The following CRYL1 variants were observed in gnomAD, a reference collection of about 807,000 sequenced individuals.
CRYL1 encodes the protein lambda-crystallin homolog.
In CRYL1, 29 loss-of-function variants were observed where a neutral mutation model predicts 36.6. The observed-to-expected ratio is 0.79, with a 90% CI of 0.59 to 1.08. The LOEUF is 1.08. Among genes scored for constraint, CRYL1 ranks in the 50% least tolerant of loss-of-function variants. The pLI is 0.00. For synonymous variants in CRYL1, 152 were observed against 151.5 expected, an observed-to-expected ratio of 1.00 and a Z score of -0.02; for missense variants, 411 against 407.9, an observed-to-expected ratio of 1.01 and a Z score of -0.06.
intron 3 of CRYL1, among the ~76,000 whole-genome samples, chr13:20,471,850 C>G (rs1417882539): frequency 6.6e-6 from 1 of 150,408 alleles, no homozygotes; most frequent in Admixed American, 6.6e-5. Flanking sequence ...TCTCTCTCTT[C>G]CTTTCTTTCA....
chr13:20,522,105 T>C (rs1232165806), intron 1 of CRYL1, among the ~76,000 whole-genome samples: 1 of 152,064 alleles, frequency 6.6e-6, no homozygotes, highest in South Asian at 2.1e-4. Context: ...ATCTCAGCAC[T>C]TTGGGAGGCT....
chr13:20,408,331 A>C (rs921959420), intron 6 of CRYL1, among the ~76,000 whole-genome samples: 98 of 152,302 alleles, frequency 6.4e-4, no homozygotes, highest in African/African-American at 2.3e-3. Context: ...GTTTTGAAAA[A>C]GGCAAGTGTC....
At chr13:20,409,013 T>C (rs138239479) in intron 6 of CRYL1, among the ~76,000 whole-genome samples, 2,619 of 152,200 alleles carry the variant, frequency 0.017, 40 homozygotes, top group African/African-American at 0.037. Context: ...AAAGTTCATA[T>C]GGAACCAAAA....
At chr13:20,414,407 A>G (rs114416982) in intron 5 of CRYL1, among the ~76,000 whole-genome samples, 1,829 of 152,036 alleles carry the variant, frequency 0.012, 30 homozygotes, top group African/African-American at 0.041. Flanking sequence ...GCAGGGAGTG[A>G]GAGAAGCTGA....
At chr13:20,432,386 G>A in intron 4 of CRYL1, 90 bp from the exon 5 acceptor site, 1 of 858,800 alleles carries the variant, frequency 1.2e-6, no homozygotes. Flanking sequence ...AGCAGCAGAT[G>A]CATCTTTGGA....
rs894989061 is a variant in CRYL1 at position 20,430,275 on chromosome 13, T to C, written c.633+1827A>G. The C allele has an allele frequency of 3.0e-6, 3 of 985,340 alleles. No individual in the cohort carries two copies. The African/African-American group carries it at 5.2e-5, about 17-fold the overall frequency. The allele number at this position is 985,340 out of a possible 1,614,324, so 61.0% of individuals were successfully genotyped here. A position where few individuals can be genotyped will look rare whatever the true frequency, so the allele number is the denominator to read the frequency against. ...TCTTAATTTCCCATTTCTCTTGACC[T>C]CTTCCTGTTCTGTCACAAACTGTAT... On this transcript the variant is annotated intron_variant, in intron 5 of 7. Transcript: ENST00000298248.
chr13:20,421,689 A>G (rs1050592458), intron 5 of CRYL1, among the ~76,000 whole-genome samples: 1 of 152,122 alleles, frequency 6.6e-6, no homozygotes, highest in African/African-American at 2.4e-5. Context: ...TAACTTCCCA[A>G]CTTCAAACTG....
chr13:20,463,095 A>G (rs1338885768), intron 3 of CRYL1, among the ~76,000 whole-genome samples: 1 of 152,222 alleles, frequency 6.6e-6, no homozygotes, highest in Non-Finnish European at 1.5e-5. Flanking sequence ...CCTGAGCCTC[A>G]GTGTGGACGC....
intron 1 of CRYL1, among the ~76,000 whole-genome samples, chr13:20,517,723 G>C (rs981257297): frequency 6.6e-6 from 1 of 151,992 alleles, no homozygotes; most frequent in Non-Finnish European, 1.5e-5. Flanking sequence ...GATCACGAGG[G>C]CAGGAGATCG....
At chr13:20,504,139 C>T (rs1036318524) in intron 2 of CRYL1, among the ~76,000 whole-genome samples, 1 of 152,134 alleles carries the variant, frequency 6.6e-6, no homozygotes, top group Non-Finnish European at 1.5e-5. Flanking sequence ...TCAACACAGC[C>T]TAAGTCAGGG....
intron 1 of CRYL1, among the ~76,000 whole-genome samples, chr13:20,521,822 T>C (rs902995379): frequency 6.6e-5 from 10 of 152,200 alleles, no homozygotes. Context: ...GTTACTTATT[T>C]ACTGGGTAAA....
In CRYL1 at chr13:20,403,837, C is replaced by G. The variant is rs530844541; in HGVS notation, c.*292G>C. The G allele has an allele frequency of 7.9e-4, 206 of 259,908 alleles. 2 individuals are homozygous for G. Among genetic ancestry groups the G allele is most frequent in the African/African-American group, 3.9e-3 (176 of 45,068 alleles). 16.1% of individuals were successfully genotyped at this position (259,908 alleles called of 1,614,324 possible). A position where few individuals can be genotyped will look rare whatever the true frequency, so the allele number is the denominator to read the frequency against. ...ACAATCACTGGCTGTAAAATATAGT[C>G]AAATGCAATCAAGCTGAAAAGAAAA... On this transcript the variant is annotated 3_prime_UTR_variant, in exon 8 of 8. Coordinates refer to ENST00000298248, the MANE Select transcript of CRYL1 (RefSeq NM_015974.3).
chr13:20,416,631 T>G (rs1350429958), intron 5 of CRYL1, among the ~76,000 whole-genome samples: 2 of 152,258 alleles, frequency 1.3e-5, no homozygotes, highest in African/African-American at 2.4e-5. Flanking sequence ...CTGGGAAGTA[T>G]GCAAACATGG....
At position 20,481,777 on chromosome 13, in the gene CRYL1, G is replaced by C. The variant is rs927063524; in HGVS notation, c.276+7593C>G. Among the ~76,000 whole-genome samples the C allele has an allele frequency of 1.3e-5, 2 of 152,204 alleles. No homozygotes were observed. Among genetic ancestry groups the C allele is most frequent in the Non-Finnish European group, 2.9e-5 (2 of 68,022 alleles). ...AATACAAAACTTAGCCCGGCATGGT[G>C]GTGGGCGCCTATAATCCCAGCTACT... On this transcript the variant is annotated intron_variant, in intron 3 of 7. Transcript: ENST00000298248. The surrounding 1 kb of genome is among the most constrained non-coding windows in gnomAD (Gnocchi z 4.1).
intron 2 of CRYL1, among the ~76,000 whole-genome samples, chr13:20,512,124 C>T (rs1286795360): frequency 6.6e-6 from 1 of 152,264 alleles, no homozygotes; most frequent in Admixed American, 6.5e-5. Flanking sequence ...GCGAGTTCCT[C>T]CTGCCTAGAT....
chr13:20,489,159 G>A (rs2033457457), intron 3 of CRYL1, among the ~76,000 whole-genome samples: 1 of 152,160 alleles, frequency 6.6e-6, no homozygotes, highest in Non-Finnish European at 1.5e-5. Flanking sequence ...TTGGTCTCTT[G>A]AAACAGAACA....
At chr13:20,492,296 G>A (rs1427138165) in intron 2 of CRYL1, among the ~76,000 whole-genome samples, 2 of 152,172 alleles carry the variant, frequency 1.3e-5, no homozygotes, top group African/African-American at 4.8e-5. Context: ...CGTGTCAAAT[G>A]AGTCAATTGT....
intron 2 of CRYL1, among the ~76,000 whole-genome samples, chr13:20,508,865 A>AAAAAC (rs1565988277): frequency 2.1e-5 from 1 of 48,374 alleles, no homozygotes; most frequent in African/African-American, 7.9e-5. Flanking sequence ...AAAAAAAAAA[A>AAAAAC]AAAAAAAAAA....
chr13:20,505,424 C>T (rs763433601), intron 2 of CRYL1, among the ~76,000 whole-genome samples: 67 of 147,284 alleles, frequency 4.5e-4, no homozygotes, highest in African/African-American at 1.4e-3. Flanking sequence ...GTGGAATAGA[C>T]GGTGAGAAAA....
Sources: gnomAD v4.1 joint callset for allele counts (sites outside exome capture counted in the v4.1 genomes callset) on GRCh38, gnomAD v4.1.1 for gene constraint, Gnocchi (gnomAD v3.1) non-coding constraint, MANE v1.5 for transcripts, NCBI Gene and HGNC (gene_info 2026-07-23, HGNC 2026-07-21) for gene names.